Variants in N4BP2 observed in about 807,000 individuals in gnomAD.
N4BP2 encodes NEDD4-binding protein 2.
Under a neutral mutation model 152.8 loss-of-function variants are expected in N4BP2, and 91 were observed. The observed-to-expected ratio is 0.60, with a 90% CI of 0.50 to 0.71. N4BP2 has a LOEUF of 0.71. Among genes scored for constraint, N4BP2 ranks in the 30% least tolerant of loss-of-function variants. The probability of loss-of-function intolerance (pLI) is 0.00; values close to 1 mark genes in which losing one functional copy is unlikely to be tolerated. For synonymous variants in N4BP2, 646 were observed against 705.3 expected (o/e 0.92, Z 1.33); for missense variants, 1,923 against 2,059.1 (o/e 0.93, Z 1.28).
In N4BP2 at chr4:40,157,271, C is replaced by T. The variant is rs943012366; in HGVS notation, c.*3034C>T. On this transcript the variant is annotated 3_prime_UTR_variant, in exon 18 of 18. Coordinates refer to ENST00000261435, the MANE Select transcript of N4BP2 (RefSeq NM_018177.6). ...CATTATTTTTAATGTGCAGTTTCTT[C>T]AATTGGTTAGTATTTCCATACTATT... 1 of 151,316 alleles carries T rather than the reference C, an allele frequency of 6.6e-6. No individual in the cohort carries two copies. Among genetic ancestry groups the T allele is most frequent in the Admixed American group, 6.6e-5 (1 of 15,208 alleles). The allele number at this position is 151,316 out of a possible 1,614,324, so 9.4% of individuals were successfully genotyped here. A position where few individuals can be genotyped will look rare whatever the true frequency, so the allele number is the denominator to read the frequency against.
intron 11 of N4BP2, among the ~76,000 whole-genome samples, 154 bp downstream of exon 11, chr4:40,124,359 T>A (rs1038061053): frequency 9.9e-5 from 15 of 152,142 alleles, no homozygotes; most frequent in Middle Eastern, 3.2e-3. Context: ...TTTATTTTTT[T>A]ATTTAGAGAT....
intron 1 of N4BP2, among the ~76,000 whole-genome samples, chr4:40,067,781 C>T (rs1193399859): frequency 6.6e-6 from 1 of 152,096 alleles, no homozygotes; most frequent in East Asian, 1.9e-4. Context: ...TCACTGTAAC[C>T]TCTGCGTCCC....
At chr4:40,079,890 A>AT (rs1713180508) in intron 2 of N4BP2, among the ~76,000 whole-genome samples, 1 of 152,168 alleles carries the variant, frequency 6.6e-6, no homozygotes, top group Admixed American at 6.6e-5. Flanking sequence ...TATTGATTAG[A>AT]TTTTACATCA....
At chr4:40,061,164 T>A (rs565004575) in intron 1 of N4BP2, among the ~76,000 whole-genome samples, 2 of 151,766 alleles carry the variant, frequency 1.3e-5, no homozygotes, top group East Asian at 3.9e-4. Flanking sequence ...AGGTTATTAG[T>A]GTCTTTATTA....
rs1428036827 is a variant in N4BP2 at position 40,112,115 on chromosome 4, T to C, written c.1530T>C (p.Pro510=). 4 of 1,564,652 alleles carry C rather than the reference T, an allele frequency of 2.6e-6. No homozygotes were observed. Among genetic ancestry groups the C allele is most frequent in the Non-Finnish European group, 3.5e-6 (4 of 1,149,654 alleles). Residue 510 remains proline (P), a synonymous_variant, in exon 6 of 18, where the codon CCT becomes CCC. Transcript: ENST00000261435. The part of the protein sequence containing the change: ...AKEAFEKKIS[P]IIIDNTNLQA... ...AAGCATTTGAGAAGAAGATATCTCC[T>C]ATAATTATAGATAATACAAACCTAC...
chr4:40,057,258 C>G (rs1733257555), intron 1 of N4BP2: 1 of 152,316 alleles, frequency 6.6e-6, no homozygotes. Flanking sequence ...AGAGGCGGGC[C>G]CTGGCGCTCA....
At chr4:40,114,746 T>C (rs1170894482) in intron 7 of N4BP2, among the ~76,000 whole-genome samples, 1 of 152,186 alleles carries the variant, frequency 6.6e-6, no homozygotes, top group Non-Finnish European at 1.5e-5. Flanking sequence ...CTTTTCTTCT[T>C]TTCTAGGTTT....
chr4:40,162,759 A>T (rs969964128), downstream of N4BP2, among the ~76,000 whole-genome samples: 2 of 152,140 alleles, frequency 1.3e-5, no homozygotes, highest in African/African-American at 4.8e-5. Flanking sequence ...TAGATAGGGG[A>T]TTTATCAGGA....
Position 40,157,328 on chromosome 4 carries a change from A to G in N4BP2, c.*3091A>G, listed in dbSNP as rs1009963420. 7 of 152,044 alleles carry G rather than the reference A, an allele frequency of 4.6e-5. No homozygotes were observed. The highest frequency in any genetic ancestry group is 1.4e-4 in the African/African-American group (6 of 41,400). 9.4% of individuals were successfully genotyped at this position (152,044 alleles called of 1,614,324 possible). On this transcript the variant is annotated 3_prime_UTR_variant, in exon 18 of 18. Transcript: ENST00000261435. ...TTTATGGCCTTTAAATATAGGACATATTATATAGCAGAAATTTTGACTTTA... is the reference window on the plus strand; with the variant it reads ...TTTATGGCCTTTAAATATAGGACATGTTATATAGCAGAAATTTTGACTTTA...
intron 14 of N4BP2, among the ~76,000 whole-genome samples, chr4:40,140,118 C>T (rs995607577): frequency 7.2e-5 from 11 of 152,058 alleles, no homozygotes; most frequent in Non-Finnish European, 1.2e-4. Context: ...TTTTACTTTA[C>T]AGAATCTTAT....
At chr4:40,112,813 C>G (rs908326003) in intron 6 of N4BP2, among the ~76,000 whole-genome samples, 5 of 152,064 alleles carry the variant, frequency 3.3e-5, no homozygotes, top group African/African-American at 1.2e-4. Flanking sequence ...AATCGATTCT[C>G]CTGCCTCAGA....
At chr4:40,190,202 C>A in the N4BP2 span, among the ~76,000 whole-genome samples, 1 of 152,150 alleles carries the variant, frequency 6.6e-6, no homozygotes, top group Non-Finnish European at 1.5e-5. Context: ...TATTTCTGTT[C>A]TTGTTGTTCG....
Position 40,121,788 on chromosome 4 carries a change from T to TG in N4BP2, c.3680dup (p.Leu1228SerfsTer4). 1 of 1,614,014 alleles carries TG rather than the reference T, an allele frequency of 6.2e-7. No individual in the cohort carries two copies. The highest frequency in any genetic ancestry group is 8.5e-7 in the Non-Finnish European group (1 of 1,179,998). On this transcript the variant is annotated frameshift_variant, in exon 9 of 18. Transcript: ENST00000261435. LOFTEE classifies it high-confidence loss of function. The stretch of plus-strand genomic sequence containing the variant: ...ACAAGTATATTTCCCAGTGCTGCTG[T>TG]GGGTCTAAAGAATAATAATGACATA...
In N4BP2 at chr4:40,115,630, TGTC is replaced by T. The variant is rs762228532; in HGVS notation, c.1664+2125_1664+2127del. ...ATTTCATTCTTTAACTCTTGGGTTA[TGTC>T]GTACTGTGTTTTTAAATTTCTGAAC... is the stretch of plus-strand genomic sequence containing the variant. On this transcript the variant is annotated intron_variant, in intron 7 of 17. Coordinates refer to ENST00000261435, the MANE Select transcript of N4BP2 (RefSeq NM_018177.6). 1.3e-3 allele frequency among the ~76,000 whole-genome samples: 205 copies of T among 152,352 alleles called. 1 individual carries two copies. Among genetic ancestry groups the T allele is most frequent in the Non-Finnish European group, 2.4e-3 (162 of 68,034 alleles).
chr4:40,102,176 G>A lies in N4BP2; in HGVS notation c.331G>A (p.Ala111Thr), dbSNP rs1715725138. 1 of 1,613,844 alleles carries A rather than the reference G, an allele frequency of 6.2e-7. No homozygotes were observed. Among genetic ancestry groups the A allele is most frequent in the Non-Finnish European group, 8.5e-7 (1 of 1,179,870 alleles). The part of the protein sequence containing the change: ...SFVASENQVG[A>T]AESKIMEKRP... ...CGTTGCTTCTGAGAACCAAGTAGGT[G>A]CAGCAGAAAGTAAAATAATGGAAAA... The change falls in exon 4 of 18, where the codon GCA (alanine) becomes ACA (threonine). Residue 111 changes from alanine (A) to threonine (T), a missense_variant. Transcript: ENST00000261435.
chr4:40,079,766 C>T (rs567231840), intron 2 of N4BP2, among the ~76,000 whole-genome samples: 35 of 152,052 alleles, frequency 2.3e-4, no homozygotes, highest in Non-Finnish European at 1.5e-5. Context: ...CATGCCACTG[C>T]AGCTCAGCCT....
intron 14 of N4BP2, among the ~76,000 whole-genome samples, chr4:40,141,362 T>A (rs1719934750): frequency 6.8e-6 from 1 of 146,304 alleles, no homozygotes; most frequent in Non-Finnish European, 1.5e-5. Context: ...GTCTCCTCAC[T>A]TCTCAGACGG....
the N4BP2 span, among the ~76,000 whole-genome samples, chr4:40,183,482 C>T: frequency 6.6e-6 from 1 of 152,050 alleles, no homozygotes; most frequent in Non-Finnish European, 1.5e-5. Context: ...ACTACAGGAG[C>T]CCGCTACCGT....
At chr4:40,130,318 C>T (rs999903624) in intron 12 of N4BP2, among the ~76,000 whole-genome samples, 3 of 152,126 alleles carry the variant, frequency 2.0e-5, no homozygotes, top group Non-Finnish European at 4.4e-5. Flanking sequence ...ACATGAGCCA[C>T]TGCACCCAGC....
Sources: gnomAD v4.1 joint callset for allele counts (sites outside exome capture counted in the v4.1 genomes callset) on GRCh38, gnomAD v4.1.1 for gene constraint, MANE v1.5 for transcripts, NCBI Gene and HGNC (gene_info 2026-07-23, HGNC 2026-07-21) for gene names.